The following MAD1L1 variants were observed in gnomAD, a reference collection of about 807,000 sequenced individuals.
MAD1L1 encodes mitotic arrest deficient 1 like 1, also known as mitotic spindle assembly checkpoint protein MAD1.
In MAD1L1, 95 loss-of-function variants were observed where a neutral mutation model predicts 96.9. The observed-to-expected ratio is 0.98, with a 90% CI of 0.83 to 1.16. The LOEUF (loss-of-function observed/expected upper bound fraction) is 1.16. Among genes scored for constraint, MAD1L1 ranks in the 50% most tolerant of loss-of-function variants. MAD1L1 has a pLI of 0.00. For synonymous variants in MAD1L1, 473 were observed against 396.6 expected, an observed-to-expected ratio of 1.19 and a Z score of -2.29; for missense variants, 1,007 against 954.4, an observed-to-expected ratio of 1.06 and a Z score of -0.73.
chr7:2,188,176 G>A (rs1637750), intron 10 of MAD1L1, among the ~76,000 whole-genome samples: 91,357 of 152,086 alleles, frequency 0.6, 27,919 homozygotes, highest in Admixed American at 0.66. Flanking sequence ...ATTTTAGTAC[G>A]ACAGTTTGAA....
intron 17 of MAD1L1, among the ~76,000 whole-genome samples, chr7:1,931,721 G>T (rs1446230469): frequency 6.6e-6 from 1 of 151,804 alleles, no homozygotes; most frequent in Non-Finnish European, 1.5e-5. Flanking sequence ...TTCAGATCAG[G>T]CCTCAGCTCC....
At chr7:2,132,367 G>C (rs1038558943) in intron 11 of MAD1L1, among the ~76,000 whole-genome samples, 2 of 152,004 alleles carry the variant, frequency 1.3e-5, no homozygotes, top group Non-Finnish European at 2.9e-5. Flanking sequence ...CATGTCTGCA[G>C]TCCCTGTGCG....
chr7:1,980,276 A>G (rs1387582440), intron 15 of MAD1L1, among the ~76,000 whole-genome samples, 177 bp downstream of exon 15: 1 of 149,898 alleles, frequency 6.7e-6, no homozygotes, highest in Admixed American at 6.7e-5. Flanking sequence ...CCCACAGGAC[A>G]CACCTGAGCA....
At chr7:2,039,048 G>A (rs1337134775) in intron 12 of MAD1L1, among the ~76,000 whole-genome samples, 3 of 152,110 alleles carry the variant, frequency 2.0e-5, no homozygotes, top group Non-Finnish European at 4.4e-5. Flanking sequence ...GTGCGTCTCC[G>A]TAACTCACGG....
At chr7:2,063,771 G>T (rs556683599) in intron 12 of MAD1L1, among the ~76,000 whole-genome samples, 2 of 152,218 alleles carry the variant, frequency 1.3e-5, no homozygotes, top group East Asian at 3.9e-4. Flanking sequence ...TGGCCAGGGT[G>T]CGGCCACCAG....
At chr7:2,139,196 C>A (rs981152691) in intron 11 of MAD1L1, among the ~76,000 whole-genome samples, 8 of 152,144 alleles carry the variant, frequency 5.3e-5, no homozygotes, top group Non-Finnish European at 8.8e-5. Context: ...ACACCATGTC[C>A]ACAGCCTAAG....
intron 18 of MAD1L1, among the ~76,000 whole-genome samples, chr7:1,867,223 G>A (rs1210732706): frequency 6.6e-6 from 1 of 152,212 alleles, no homozygotes; most frequent in African/African-American, 2.4e-5. Context: ...CCACATGCCA[G>A]GGACACACAT....
At chr7:2,072,069 T>G (rs1423587289) in intron 11 of MAD1L1, among the ~76,000 whole-genome samples, 1 of 152,240 alleles carries the variant, frequency 6.6e-6, no homozygotes, top group East Asian at 1.9e-4. Context: ...GAATCCCAAC[T>G]GGGTGGTAGG....
intron 16 of MAD1L1, among the ~76,000 whole-genome samples, chr7:1,949,335 G>A (rs768176451): frequency 4.6e-5 from 7 of 152,204 alleles, no homozygotes; most frequent in South Asian, 4.1e-4. Flanking sequence ...CGCAAGCATC[G>A]CCCGGGGGGA....
intron 12 of MAD1L1, among the ~76,000 whole-genome samples, chr7:2,035,063 C>T (rs935518299): frequency 6.6e-6 from 1 of 152,248 alleles, no homozygotes; most frequent in Non-Finnish European, 1.5e-5. Flanking sequence ...GACACAAACT[C>T]CACAGGGAAG....
intron 11 of MAD1L1, among the ~76,000 whole-genome samples, chr7:2,118,988 C>A (rs552635262): frequency 6.6e-6 from 1 of 152,124 alleles, no homozygotes; most frequent in Non-Finnish European, 1.5e-5. Context: ...AAGCTCCACA[C>A]GCCCAGCTGC....
At chr7:1,855,671 A>C (rs1232448843) in intron 18 of MAD1L1, among the ~76,000 whole-genome samples, 2 of 152,110 alleles carry the variant, frequency 1.3e-5, no homozygotes, top group Non-Finnish European at 2.9e-5. Context: ...CTTGTGCAGG[A>C]AGATGGGGGC....
intron 18 of MAD1L1, among the ~76,000 whole-genome samples, chr7:1,861,477 T>G (rs1398238704): frequency 1.3e-5 from 1 of 74,290 alleles, no homozygotes; most frequent in Admixed American, 1.4e-4. Context: ...GCCTGCCCCC[T>G]GGTTGGAGGG....
chr7:2,021,691 G>C (rs1380367265), intron 12 of MAD1L1, among the ~76,000 whole-genome samples: 1 of 152,088 alleles, frequency 6.6e-6, no homozygotes, highest in Non-Finnish European at 1.5e-5. Flanking sequence ...CTTGAACCCA[G>C]GAAGTGGAGG....
Position 1,929,227 on chromosome 7 carries a change from C to T in MAD1L1, c.1807+7460G>A, listed in dbSNP as rs146323056. ...CCTGGTATCTCTTCTCCCTCTTCCT[C>T]GCTCCTCCATCCTCCCCCTGCCTCC... On this transcript the variant is annotated intron_variant, in intron 17 of 18. Coordinates refer to ENST00000265854, the MANE Select transcript of MAD1L1 (RefSeq NM_001013836.2). Among the ~76,000 whole-genome samples the T allele has an allele frequency of 5.9e-5, 9 of 152,242 alleles. No individual in the cohort carries two copies. In the South Asian group the frequency reaches 8.3e-4, roughly 14 times the overall value.
intron 11 of MAD1L1, among the ~76,000 whole-genome samples, chr7:2,073,264 A>G (rs1236968076): frequency 2.0e-5 from 3 of 152,232 alleles, no homozygotes; most frequent in African/African-American, 7.2e-5. Context: ...CAAAAATAGC[A>G]AAGAGTAATA....
chr7:2,205,346 G>C (rs922764732), intron 10 of MAD1L1, among the ~76,000 whole-genome samples: 1 of 152,044 alleles, frequency 6.6e-6, no homozygotes, highest in African/African-American at 2.4e-5. Context: ...GTCAGATTCG[G>C]AACTTCCCTA....
At chr7:2,120,803 T>G (rs373893774) in intron 11 of MAD1L1, among the ~76,000 whole-genome samples, 15 of 152,182 alleles carry the variant, frequency 9.9e-5, no homozygotes, top group African/African-American at 3.4e-4. Context: ...TGGGAGGAAC[T>G]CGGGGGACAG....
intron 17 of MAD1L1, among the ~76,000 whole-genome samples, chr7:1,902,763 G>C (rs1041280713): frequency 6.6e-6 from 1 of 152,214 alleles, no homozygotes; most frequent in African/African-American, 2.4e-5. Flanking sequence ...AAGCAAGGAC[G>C]CAGTGGCCTA....
Sources: allele counts gnomAD v4.1 joint callset (sites outside exome capture counted in the v4.1 genomes callset), GRCh38; gene constraint gnomAD v4.1.1; transcripts MANE v1.5; gene names NCBI Gene and HGNC (gene_info 2026-07-23, HGNC 2026-07-21).